APOL4: variants seen among roughly 807,000 people sequenced by gnomAD.
The protein encoded by APOL4 is apolipoprotein L4, also known as apolipoprotein L, 4.
In APOL4, 14 loss-of-function variants were observed where a neutral mutation model predicts 12.1. The ratio of observed to expected loss-of-function variants is 1.16; its 90% CI spans 0.76 to 1.81. The LOEUF (loss-of-function observed/expected upper bound fraction) is 1.81. Among genes scored for constraint, APOL4 ranks in the 40% most tolerant of loss-of-function variants. The pLI, the probability that APOL4 is intolerant of heterozygous loss-of-function variation, is 0.00. For missense variants in APOL4, 432 were observed against 423.1 expected (o/e 1.02, Z -0.18); for synonymous variants, 171 against 160.6 (o/e 1.06, Z -0.49).
At chr22:36,195,764 TCTC>T (rs1569531221) in intron 2 of APOL4, among the ~76,000 whole-genome samples, 30 of 115,110 alleles carry the variant, frequency 2.6e-4, no homozygotes, top group African/African-American at 7.6e-4. Context: ...TCTCTCTCTC[TCTC>T]TCTCTCTCTC....
At position 36,191,700 on chromosome 22, in the gene APOL4, T is replaced by C. The variant is rs552292512; in HGVS notation, c.422A>G (p.Asn141Ser). The C allele has an allele frequency of 1.9e-5, 31 of 1,614,074 alleles. No homozygotes were observed. Among genetic ancestry groups the C allele is most frequent in the African/African-American group, 1.9e-4 (14 of 75,068 alleles). Residue 141 changes from asparagine (N) to serine (S), a missense_variant, in exon 4 of 4, where the codon AAT becomes AGT. Physicochemically the swap from Asn to Ser is conservative, Grantham distance 46. Transcript: ENST00000683024. ...GATGCCAGTGGAGCCAGACACCACA[T>C]TGGCGATGACGCAGCCTCTGTGGAC... is the stretch of plus-strand genomic sequence containing the variant. ...EKVHRGCVIA[N>S]VVSGSTGILS...
At chr22:36,201,864 C>A, upstream of APOL4, 2 of 1,580,060 alleles carry the variant, frequency 1.3e-6, no homozygotes, top group South Asian at 2.3e-5. Context: ...ACCAGTTGGT[C>A]AATTCCGGGA....
rs759059896 is a variant in APOL4 at position 36,191,610 on chromosome 22, G to A, written c.512C>T (p.Ala171Val). 6.2e-7 allele frequency: 1 copy of A among 1,613,616 alleles called. No homozygotes were observed. The highest frequency in any genetic ancestry group is 8.5e-7 in the Non-Finnish European group (1 of 1,179,688). The change falls in exon 4 of 4, where the codon GCT (alanine) becomes GTT (valine). Residue 171 changes from alanine to valine, a missense_variant. Transcript: ENST00000683024. ...TAGLSLSITA[A>V]GVGLGIASAT... is the part of the protein sequence containing the mutation. ...AGATGCTATTCCCAGCCCTACCCCA[G>A]CTGCAGTAATGCTCAGGCTCAGCCC...
rs771142537 is a variant in APOL4, at chr22:36,191,389, G to T, written c.733C>A (p.His245Asn). The T allele has an allele frequency of 6.2e-7, 1 of 1,614,048 alleles. No individual in the cohort carries two copies. Among genetic ancestry groups the T allele is most frequent in the Non-Finnish European group, 8.5e-7 (1 of 1,179,906 alleles). Residue 245 changes from histidine (H) to asparagine (N), a missense_variant, in exon 4 of 4, where the codon CAT becomes AAT. Coordinates refer to ENST00000683024, the MANE Select transcript of APOL4 (RefSeq NM_001386885.1). ...GTGGCTTTAGATCTCCTGAGTGTATGGACATCATTCGCAATCATTTTTGTG... is the reference window on the plus strand; with the variant it reads ...GTGGCTTTAGATCTCCTGAGTGTATTGACATCATTCGCAATCATTTTTGTG... Reference protein sequence around the residue: ...EATKMIANDVHTLRRSKATVG... With the variant: ...EATKMIANDVNTLRRSKATVG...
At chr22:36,203,110 C>A (rs1015140582), upstream of APOL4, among the ~76,000 whole-genome samples, 1 of 152,214 alleles carries the variant, frequency 6.6e-6, no homozygotes, top group Admixed American at 6.5e-5. Context: ...TTCTGCAATG[C>A]GACCTTCTCA....
At position 36,191,635 on chromosome 22, in the gene APOL4, C is replaced by A; in HGVS notation, c.487G>T (p.Gly163Trp). 6.2e-7 allele frequency: 1 copy of A among 1,613,898 alleles called. No homozygotes were observed. Among genetic ancestry groups the A allele is most frequent in the Non-Finnish European group, 8.5e-7 (1 of 1,179,806 alleles). ...GCTGCAGTAATGCTCAGGCTCAGCC[C>A]TGCTGTAAATGGTGCCAACATAACG... is the stretch of plus-strand genomic sequence containing the variant. Reference protein sequence around the residue: ...IGVMLAPFTAGLSLSITAAGV... With the variant: ...IGVMLAPFTAWLSLSITAAGV... Residue 163 changes from glycine to tryptophan, a missense_variant, in exon 4 of 4, where the codon GGG becomes TGG. Gly to Trp is a radical substitution (Grantham distance 184, BLOSUM62 -2). Transcript: ENST00000683024.
chr22:36,199,747 A>G lies in APOL4; in HGVS notation c.36-371T>C, dbSNP rs186648989. 171 of 1,106,726 alleles carry G rather than the reference A, an allele frequency of 1.5e-4. 1 individual carries two copies. In the East Asian group the frequency reaches 3.9e-3, roughly 25 times the overall value. 68.6% of individuals were successfully genotyped at this position (1,106,726 alleles called of 1,614,324 possible). ...CGGAAACATGTGTGACAACTAATTG[A>G]TGATAGCCAGTCTGTATTGAGTGTC... On this transcript the variant is annotated intron_variant, in intron 1 of 3. Transcript: ENST00000683024.
upstream of APOL4, chr22:36,204,691 C>A: frequency 1.9e-6 from 1 of 523,188 alleles, no homozygotes; most frequent in Non-Finnish European, 3.0e-6. Flanking sequence ...GTGGATCTCA[C>A]CTCCAGCTGT....
Position 36,191,877 on chromosome 22 carries a change from T to G in APOL4, c.245A>C (p.Asn82Thr), listed in dbSNP as rs1165353160. The part of the protein sequence containing the change: ...EADALYEALK[N>T]LTPYVAIEDK... ...CTCAATAGCCACATATGGTGTAAGATTCTTCAGAGCTTCATAGAGAGCATC... is the reference window on the plus strand; with the variant it reads ...CTCAATAGCCACATATGGTGTAAGAGTCTTCAGAGCTTCATAGAGAGCATC... Residue 82 changes from asparagine to threonine, a missense_variant, in exon 4 of 4, where the codon AAT (asparagine) becomes ACT (threonine). Coordinates refer to ENST00000683024, the MANE Select transcript of APOL4 (RefSeq NM_001386885.1). 2 of 1,609,424 alleles carry G rather than the reference T, an allele frequency of 1.2e-6. No individual in the cohort carries two copies. Among genetic ancestry groups the G allele is most frequent in the Non-Finnish European group, 1.7e-6 (2 of 1,179,288 alleles).
chr22:36,203,236 C>G (rs2014635663), upstream of APOL4, among the ~76,000 whole-genome samples: 1 of 152,148 alleles, frequency 6.6e-6, no homozygotes, highest in Non-Finnish European at 1.5e-5. Context: ...TAGACACACA[C>G]AAGATAGTGA....
chr22:36,203,123 C>T (rs188647342), upstream of APOL4, among the ~76,000 whole-genome samples: 27 of 152,344 alleles, frequency 1.8e-4, no homozygotes, highest in Admixed American at 7.2e-4. Context: ...CCTTCTCACT[C>T]CCCTGTCTCA....
intron 1 of APOL4, among the ~76,000 whole-genome samples, chr22:36,201,143 AC>A (rs1490466532): frequency 6.6e-6 from 1 of 151,360 alleles, no homozygotes; most frequent in Non-Finnish European, 1.5e-5. Context: ...TAATAATGAT[AC>A]TATAAATAAT....
At chr22:36,202,069 A>C, upstream of APOL4, 1 of 1,613,764 alleles carries the variant, frequency 6.2e-7, no homozygotes, top group Admixed American at 1.7e-5. Flanking sequence ...GGGCAGGAAA[A>C]GAGGGGTTGA....
At chr22:36,202,969 C>A (rs575566906), upstream of APOL4, among the ~76,000 whole-genome samples, 1 of 152,296 alleles carries the variant, frequency 6.6e-6, no homozygotes, top group South Asian at 2.1e-4. Context: ...AGTAATCCAA[C>A]AGTGTCCAGG....
intron 3 of APOL4, 176 bp downstream of exon 3, chr22:36,195,135 C>T (rs1174775692): frequency 6.4e-6 from 5 of 775,496 alleles, no homozygotes; most frequent in East Asian, 5.9e-5. Context: ...CCTGAGGTCA[C>T]TCACTGCCAG....
intron 2 of APOL4, among the ~76,000 whole-genome samples, chr22:36,196,504 C>T (rs1210784368): frequency 6.6e-6 from 1 of 152,134 alleles, no homozygotes; most frequent in Non-Finnish European, 1.5e-5. Context: ...GAATATTCAC[C>T]TTAAGTGGCA....
At chr22:36,192,042 T>C in intron 3 of APOL4, 130 bp from the exon 4 acceptor site, 2 of 946,966 alleles carry the variant, frequency 2.1e-6, no homozygotes, top group Non-Finnish European at 1.5e-6. Context: ...TTCTAAAAGA[T>C]AAATAATTCT....
upstream of APOL4, chr22:36,204,832 T>TC (rs1434580795): frequency 9.7e-6 from 2 of 206,964 alleles, no homozygotes; most frequent in Non-Finnish European, 2.0e-5. Context: ...CCCCAGCACC[T>TC]CCTGCAGTCC....
In APOL4 at chr22:36,190,878, TG is replaced by T. The variant is rs1280993868; in HGVS notation, c.*196del. 5 of 587,020 alleles carry T rather than the reference TG, an allele frequency of 8.5e-6. No homozygotes were observed. The highest frequency in any genetic ancestry group is 1.5e-5 in the Non-Finnish European group (5 of 334,322). 36.4% of individuals were successfully genotyped at this position (587,020 alleles called of 1,614,324 possible). A position where few individuals can be genotyped will look rare whatever the true frequency, so the allele number is the denominator to read the frequency against. On this transcript the variant is annotated 3_prime_UTR_variant, in exon 4 of 4. Transcript: ENST00000683024. ...CATAAGAAATCACAAGGGTATTGAT[TG>T]GGGAAGTGATCAGTGTCCATGAAAT...
Sources: allele counts gnomAD v4.1 joint callset (sites outside exome capture counted in the v4.1 genomes callset), GRCh38; gene constraint gnomAD v4.1.1; transcripts MANE v1.5; gene names NCBI Gene and HGNC (gene_info 2026-07-23, HGNC 2026-07-21).